Variants in CDH12 observed in about 807,000 individuals in gnomAD.
The protein encoded by CDH12 is cadherin-12.
CDH12 carries 41 observed loss-of-function variants against 74.1 expected under a neutral mutation model. The observed-to-expected ratio is 0.55, with a 90% CI of 0.43 to 0.72. The LOEUF is 0.72. Ranked by LOEUF, CDH12 falls within the 30% of genes least tolerant of loss-of-function variation. CDH12 has a pLI of 0.00. For missense variants in CDH12, 945 were observed against 977.2 expected (o/e 0.97, Z 0.44); for synonymous variants, 399 against 355.0 (o/e 1.12, Z -1.39).
At position 21,783,351 on chromosome 5, in the gene CDH12, T is replaced by C; in HGVS notation, c.1393+7A>G. Reference sequence around the variant, plus strand: ...TATAACATTGATTCTGTCCATGCCATACTTACTAACTTTACTCGCAATTAT... The same window carrying C: ...TATAACATTGATTCTGTCCATGCCACACTTACTAACTTTACTCGCAATTAT... On this transcript the variant is annotated splice_region_variant and intron_variant, in intron 11 of 14. Coordinates refer to ENST00000382254, the MANE Select transcript of CDH12 (RefSeq NM_004061.5). The C allele has an allele frequency of 6.2e-7, 1 of 1,611,906 alleles. No individual in the cohort carries two copies. Among genetic ancestry groups the C allele is most frequent in the Non-Finnish European group, 8.5e-7 (1 of 1,178,446 alleles).
At chr5:21,869,456 A>C (rs1030245621) in intron 6 of CDH12, among the ~76,000 whole-genome samples, 2 of 152,148 alleles carry the variant, frequency 1.3e-5, no homozygotes, top group Non-Finnish European at 2.9e-5. Context: ...ATGAAGACTA[A>C]TTATCATAAG....
At chr5:22,006,354 G>A (rs1286377948) in intron 5 of CDH12, among the ~76,000 whole-genome samples, 2 of 151,484 alleles carry the variant, frequency 1.3e-5, no homozygotes, top group South Asian at 2.1e-4. Context: ...ATGCTTTCTC[G>A]GGTAATTTCA....
At chr5:22,693,209 A>G (rs1742175692) in intron 1 of CDH12, among the ~76,000 whole-genome samples, 1 of 152,162 alleles carries the variant, frequency 6.6e-6, no homozygotes, top group South Asian at 2.1e-4. Flanking sequence ...TGACGGTTCT[A>G]TTTAATTGGC....
At chr5:21,806,509 G>A (rs1022952740) in intron 9 of CDH12, among the ~76,000 whole-genome samples, 7 of 152,098 alleles carry the variant, frequency 4.6e-5, no homozygotes, top group Non-Finnish European at 1.0e-4. Context: ...AAGACAACCT[G>A]GTTTTGTCCA....
chr5:22,109,897 T>G (rs1373493732), intron 4 of CDH12, among the ~76,000 whole-genome samples: 1 of 152,086 alleles, frequency 6.6e-6, no homozygotes, highest in Non-Finnish European at 1.5e-5. Flanking sequence ...AAAGAAGCCC[T>G]CATAAGGACA....
At chr5:22,465,680 A>G (rs1745699101) in intron 2 of CDH12, among the ~76,000 whole-genome samples, 1 of 152,050 alleles carries the variant, frequency 6.6e-6, no homozygotes, top group African/African-American at 2.4e-5. Flanking sequence ...TAAGAACAGA[A>G]CAGAACAGAA....
At chr5:22,630,613 C>T (rs539718988) in intron 1 of CDH12, among the ~76,000 whole-genome samples, 2 of 152,222 alleles carry the variant, frequency 1.3e-5, no homozygotes, top group South Asian at 4.1e-4. Flanking sequence ...AACTGGACCA[C>T]TTTCTTATGC....
At chr5:21,829,917 G>A (rs763173800) in intron 8 of CDH12, among the ~76,000 whole-genome samples, 3 of 151,628 alleles carry the variant, frequency 2.0e-5, no homozygotes, top group Non-Finnish European at 2.9e-5. Flanking sequence ...TGTTTCTTTG[G>A]GCCTGGTGTG....
In CDH12 at chr5:21,900,224, G is replaced by A. The variant is rs2150053145; in HGVS notation, c.527-45434C>T. Among the ~76,000 whole-genome samples, 3 of 152,168 alleles carry A rather than the reference G, an allele frequency of 2.0e-5. 1 individual carries two copies. In the South Asian group the frequency reaches 6.2e-4, roughly 32 times the overall value. ...TCCATGTCTTGTGGTAGCTATCACA[G>A]GAAATAATATGTGCCTCAATTCCTG... On this transcript the variant is annotated intron_variant, in intron 6 of 14. Coordinates refer to ENST00000382254, the MANE Select transcript of CDH12 (RefSeq NM_004061.5).
intron 1 of CDH12, among the ~76,000 whole-genome samples, chr5:22,591,370 A>C (rs552079488): frequency 6.6e-6 from 1 of 152,282 alleles, no homozygotes; most frequent in African/African-American, 2.4e-5. Context: ...ATGACCTGAA[A>C]AAATTAATAT....
chr5:22,416,688 C>G (rs1743407669), intron 2 of CDH12, among the ~76,000 whole-genome samples: 1 of 152,036 alleles, frequency 6.6e-6, no homozygotes, highest in South Asian at 2.1e-4. Context: ...ATTACACTAG[C>G]CTGGCCACCC....
chr5:22,620,088 T>C (rs1377726158), intron 1 of CDH12, among the ~76,000 whole-genome samples: 2 of 152,122 alleles, frequency 1.3e-5, no homozygotes, highest in East Asian at 3.9e-4. Context: ...TTTTTGTTTA[T>C]GTTTTGTTCA....
chr5:21,895,429 T>C (rs1221611501), intron 6 of CDH12, among the ~76,000 whole-genome samples: 1 of 152,136 alleles, frequency 6.6e-6, no homozygotes, highest in Non-Finnish European at 1.5e-5. Flanking sequence ...CTATATGTCA[T>C]TAATGCGTGG....
intron 5 of CDH12, among the ~76,000 whole-genome samples, chr5:22,003,005 A>C (rs1399583161): frequency 6.6e-6 from 1 of 152,042 alleles, no homozygotes; most frequent in African/African-American, 2.4e-5. Context: ...TTATTTAAAC[A>C]AAAAGGGGCT....
chr5:22,467,448 T>A (rs1363161250), intron 2 of CDH12, among the ~76,000 whole-genome samples: 1 of 152,150 alleles, frequency 6.6e-6, no homozygotes, highest in Non-Finnish European at 1.5e-5. Context: ...TCTTCCCACA[T>A]CCTGTCACTC....
At chr5:22,773,481 C>T (rs1233675306) in intron 1 of CDH12, among the ~76,000 whole-genome samples, 1 of 152,086 alleles carries the variant, frequency 6.6e-6, no homozygotes, top group Admixed American at 6.6e-5. Context: ...CTCCTTTCAC[C>T]ATATATAATA....
chr5:21,968,815 C>A (rs1756702406), intron 6 of CDH12, among the ~76,000 whole-genome samples: 1 of 152,058 alleles, frequency 6.6e-6, no homozygotes, highest in South Asian at 2.1e-4. Context: ...GAAATGAGAT[C>A]ATGTCCTTTG....
chr5:22,353,759 G>T (rs1047512081), intron 3 of CDH12, among the ~76,000 whole-genome samples: 1 of 151,902 alleles, frequency 6.6e-6, no homozygotes, highest in South Asian at 2.1e-4. Context: ...CTCAATTTTT[G>T]ATTTTTTTTA....
intron 5 of CDH12, among the ~76,000 whole-genome samples, chr5:22,048,210 CTCTA>C (rs1740100443): frequency 6.6e-6 from 1 of 152,134 alleles, no homozygotes; most frequent in African/African-American, 2.4e-5. Flanking sequence ...AATAAACTAA[CTCTA>C]TCTATTGCTT....
Sources: allele counts gnomAD v4.1 joint callset (sites outside exome capture counted in the v4.1 genomes callset), GRCh38; gene constraint gnomAD v4.1.1; transcripts MANE v1.5; gene names NCBI Gene and HGNC (gene_info 2026-07-23, HGNC 2026-07-21).